Variants in RALGAPA1 observed in about 807,000 individuals in gnomAD.
RALGAPA1 encodes the protein ral GTPase-activating protein subunit alpha-1.
RALGAPA1 carries 52 observed loss-of-function variants against 269.6 expected under a neutral mutation model. The ratio of observed to expected loss-of-function variants is 0.19; its 90% CI spans 0.15 to 0.24. The LOEUF (loss-of-function observed/expected upper bound fraction) is 0.24. Ranked by LOEUF, RALGAPA1 falls within the 10% of genes least tolerant of loss-of-function variation. The pLI, the probability that RALGAPA1 is intolerant of heterozygous loss-of-function variation, is 1.00. For synonymous variants in RALGAPA1, 817 were observed against 1,008.3 expected (o/e 0.81, Z 3.60); for missense variants, 1,917 against 3,013.9 (o/e 0.64, Z 8.52).
intron 19 of RALGAPA1, 151 bp from the exon 20 acceptor site, chr14:35,685,296 A>G: frequency 1.4e-6 from 1 of 715,852 alleles, no homozygotes; most frequent in East Asian, 2.7e-5. Flanking sequence ...AATCTATGTA[A>G]CTGAATGGAG....
At chr14:35,661,043 CAG>C (rs1242094874) in intron 27 of RALGAPA1, among the ~76,000 whole-genome samples, 1 of 152,100 alleles carries the variant, frequency 6.6e-6, no homozygotes, top group Admixed American at 6.5e-5. Flanking sequence ...ACTTAATGTA[CAG>C]CATGGTGACT....
At chr14:35,777,414 T>C (rs1326399076) in intron 1 of RALGAPA1, among the ~76,000 whole-genome samples, 1 of 152,222 alleles carries the variant, frequency 6.6e-6, no homozygotes, top group African/African-American at 2.4e-5. Flanking sequence ...GGAGCATGAC[T>C]AGTTTTATTG....
In RALGAPA1 at chr14:35,612,741, T is replaced by C. The variant is rs371003809; in HGVS notation, c.6930-7032A>G. On this transcript the variant is annotated intron_variant, in intron 35 of 41. Transcript: ENST00000680220. ...TTTTAGTAGAGATGGGGTTTCACCATGTTAGCCAGGATGGTCTCGATCTCC... is the reference window on the plus strand; with the variant it reads ...TTTTAGTAGAGATGGGGTTTCACCACGTTAGCCAGGATGGTCTCGATCTCC... Among the ~76,000 whole-genome samples, 539 of 152,230 alleles carry C rather than the reference T, an allele frequency of 3.5e-3. 1 individual carries two copies. The highest frequency in any genetic ancestry group is 5.9e-3 in the Non-Finnish European group (400 of 68,014).
intron 1 of RALGAPA1, among the ~76,000 whole-genome samples, chr14:35,780,469 G>A (rs754769641): frequency 1.1e-4 from 17 of 152,128 alleles, no homozygotes; most frequent in Non-Finnish European, 1.9e-4. Context: ...CATATGTAAG[G>A]CCATAAAATA....
chr14:35,738,749 T>C (rs1355942473), intron 11 of RALGAPA1, 99 bp from the exon 12 acceptor site: 4 of 869,046 alleles, frequency 4.6e-6, no homozygotes, highest in East Asian at 2.6e-5. Context: ...GTCCCACTGC[T>C]AAACAGGTTT....
At chr14:35,625,175 G>T (rs990536816) in intron 35 of RALGAPA1, among the ~76,000 whole-genome samples, 186 bp downstream of exon 35, 3 of 141,684 alleles carry the variant, frequency 2.1e-5, no homozygotes, top group Non-Finnish European at 4.6e-5. Flanking sequence ...AAAAAAAAAG[G>T]CATAAACAAT....
chr14:35,591,659 T>C (rs187946458), intron 37 of RALGAPA1, among the ~76,000 whole-genome samples: 21 of 152,262 alleles, frequency 1.4e-4, no homozygotes, highest in African/African-American at 4.8e-4. Flanking sequence ...TCAATCAATA[T>C]AAACATTGTA....
intron 4 of RALGAPA1, among the ~76,000 whole-genome samples, chr14:35,770,625 T>G (rs1284706090): frequency 6.6e-6 from 1 of 152,234 alleles, no homozygotes; most frequent in Non-Finnish European, 1.5e-5. Context: ...CTTCCATCTC[T>G]GATTCATAGA....
chr14:35,567,647 T>C (rs1046578798), intron 39 of RALGAPA1, among the ~76,000 whole-genome samples: 2 of 152,038 alleles, frequency 1.3e-5, no homozygotes, highest in African/African-American at 4.8e-5. Flanking sequence ...TGAACAGGGA[T>C]GTAGAAAAAA....
intron 37 of RALGAPA1, among the ~76,000 whole-genome samples, chr14:35,573,913 T>C (rs1475273199): frequency 1.3e-5 from 2 of 152,196 alleles, no homozygotes; most frequent in Non-Finnish European, 2.9e-5. Context: ...AATAGGTTTA[T>C]GTTAACTGAA....
At chr14:35,574,309 C>T (rs976513690) in intron 37 of RALGAPA1, among the ~76,000 whole-genome samples, 9 of 151,938 alleles carry the variant, frequency 5.9e-5, no homozygotes, top group African/African-American at 9.7e-5. Context: ...TCTAAAGAAA[C>T]GAGAAAAAAG....
intron 1 of RALGAPA1, among the ~76,000 whole-genome samples, chr14:35,805,763 C>A (rs1387653681): frequency 4.0e-5 from 6 of 150,976 alleles, no homozygotes; most frequent in Admixed American, 2.0e-4. Flanking sequence ...CGACTCACCA[C>A]AACCTCTGCC....
At chr14:35,700,499 AAT>A (rs1470331328) in intron 16 of RALGAPA1, among the ~76,000 whole-genome samples, 197 bp from the exon 17 acceptor site, 2 of 152,196 alleles carry the variant, frequency 1.3e-5, no homozygotes, top group African/African-American at 4.8e-5. Context: ...CAACATTTTG[AAT>A]ATAATTTTTT....
At chr14:35,575,806 C>G (rs1477466757) in intron 37 of RALGAPA1, among the ~76,000 whole-genome samples, 2 of 152,066 alleles carry the variant, frequency 1.3e-5, no homozygotes, top group African/African-American at 4.8e-5. Context: ...GTTGGCCAGG[C>G]TGGTCTCGAA....
chr14:35,546,953 G>A (rs963318462), intron 41 of RALGAPA1, among the ~76,000 whole-genome samples: 8 of 152,000 alleles, frequency 5.3e-5, no homozygotes, highest in Admixed American at 4.6e-4. Flanking sequence ...TTTATTTTGT[G>A]TTGAACTGAG....
chr14:35,602,478 T>A (rs1427735791), intron 36 of RALGAPA1, among the ~76,000 whole-genome samples: 2 of 152,218 alleles, frequency 1.3e-5, no homozygotes, highest in African/African-American at 4.8e-5. Context: ...CCAACAGTTG[T>A]TATTACCTGA....
At position 35,752,109 on chromosome 14, in the gene RALGAPA1, A is replaced by C; in HGVS notation, c.717T>G (p.Phe239Leu). The C allele has an allele frequency of 6.3e-7, 1 of 1,585,350 alleles. No homozygotes were observed. The highest frequency in any genetic ancestry group is 8.5e-7 in the Non-Finnish European group (1 of 1,169,842). ...AATATTTCTTAAAATGTGAAAACAA[A>C]AATGAAAATCCCCTTTCTTGGTTTT... ...NKENQERGFS[F>L]LFSHFKKYYL... Residue 239 changes from phenylalanine to leucine, a missense_variant, in exon 8 of 42, where the codon TTT (phenylalanine) becomes TTG (leucine). Physicochemically the swap from Phe to Leu is conservative, Grantham distance 22. Around this residue, in one of 11 missense-constraint regions of RALGAPA1, gnomAD observed 462 missense variants for 725.6 expected, o/e 0.64. Coordinates refer to ENST00000680220, the MANE Select transcript of RALGAPA1 (RefSeq NM_001346249.2).
chr14:35,634,579 G>C lies in RALGAPA1; in HGVS notation c.5990C>G (p.Thr1997Arg), dbSNP rs772058841. The change falls in exon 33 of 42, where the codon ACA becomes AGA. Residue 1997 changes from threonine (T) to arginine (R), a missense_variant. Physicochemically the swap from Thr to Arg is moderately conservative, Grantham distance 71. Transcript: ENST00000680220. ...CTGAACAGAATTCATGTTACCTTCTGTTACTGGCTGGAGTTTAGAAGATCG... is the reference window on the plus strand; with the variant it reads ...CTGAACAGAATTCATGTTACCTTCTCTTACTGGCTGGAGTTTAGAAGATCG... Reference protein sequence around the residue: ...SERSSKLQPVTEVKTQMQHGL... With the variant: ...SERSSKLQPVREVKTQMQHGL... 1 of 1,609,938 alleles carries C rather than the reference G, an allele frequency of 6.2e-7. No homozygotes were observed. The highest frequency in any genetic ancestry group is 8.5e-7 in the Non-Finnish European group (1 of 1,178,128).
chr14:35,732,533 C>A (rs1003598226), intron 12 of RALGAPA1, among the ~76,000 whole-genome samples: 1 of 152,008 alleles, frequency 6.6e-6, no homozygotes, highest in Non-Finnish European at 1.5e-5. Context: ...CAGAAGGACT[C>A]GCATAAGTAA....
Sources: allele counts gnomAD v4.1 joint callset (sites outside exome capture counted in the v4.1 genomes callset), GRCh38; gene constraint gnomAD v4.1.1; regional missense constraint gnomAD v4.1.1; transcripts MANE v1.5; gene names NCBI Gene and HGNC (gene_info 2026-07-23, HGNC 2026-07-21).